RAP1GDS1: variants seen among roughly 807,000 people sequenced by gnomAD.
RAP1GDS1 encodes Rap1 GTPase-GDP dissociation stimulator 1.
A neutral mutation model predicts 71.1 loss-of-function variants in RAP1GDS1; 35 were observed. The ratio of observed to expected loss-of-function variants is 0.49; its 90% CI spans 0.38 to 0.65. RAP1GDS1 has a LOEUF of 0.65. RAP1GDS1 is among the 30% of genes least tolerant of loss of function. The pLI, the probability that RAP1GDS1 is intolerant of heterozygous loss-of-function variation, is 0.00. For synonymous variants in RAP1GDS1, 229 were observed against 243.1 expected (o/e 0.94, Z 0.54); for missense variants, 663 against 706.1 (o/e 0.94, Z 0.69).
chr4:98,429,746 C>G (rs1054346443), intron 12 of RAP1GDS1, among the ~76,000 whole-genome samples: 1 of 152,178 alleles, frequency 6.6e-6, no homozygotes, highest in African/African-American at 2.4e-5. Context: ...GCAGGTTGGA[C>G]ACGCTTGGTT....
intron 5 of RAP1GDS1, among the ~76,000 whole-genome samples, chr4:98,390,694 T>C (rs1481932538): frequency 6.6e-6 from 1 of 152,176 alleles, no homozygotes; most frequent in East Asian, 1.9e-4. Flanking sequence ...TATGTTCTTT[T>C]CTGAAAATCA....
chr4:98,394,037 G>C (rs1023391379), intron 6 of RAP1GDS1, among the ~76,000 whole-genome samples: 2 of 151,996 alleles, frequency 1.3e-5, no homozygotes, highest in Non-Finnish European at 2.9e-5. Flanking sequence ...TGAAGTTTTA[G>C]GAGAGTACAT....
At position 98,410,097 on chromosome 4, in the gene RAP1GDS1, C is replaced by A. The variant is rs115274808; in HGVS notation, c.763+5495C>A. Among the ~76,000 whole-genome samples, 398 of 152,148 alleles carry A rather than the reference C, an allele frequency of 2.6e-3. 1 individual carries two copies. Among genetic ancestry groups the A allele is most frequent in the African/African-American group, 9.1e-3 (379 of 41,496 alleles). ...CAGCCTGAGCAACATAGTGAGGCCT[C>A]ATCTCTACCAAAAACAAATAAATAA... On this transcript the variant is annotated intron_variant, in intron 7 of 14. Coordinates refer to ENST00000408927, the MANE Select transcript of RAP1GDS1 (RefSeq NM_001100427.2).
chr4:98,310,193 C>A (rs1730002359), intron 2 of RAP1GDS1, among the ~76,000 whole-genome samples: 1 of 152,026 alleles, frequency 6.6e-6, no homozygotes, highest in Non-Finnish European at 1.5e-5. Flanking sequence ...TTCATTTATT[C>A]CACACTTAGT....
At chr4:98,299,282 C>T (rs1216676027) in intron 2 of RAP1GDS1, among the ~76,000 whole-genome samples, 2 of 152,124 alleles carry the variant, frequency 1.3e-5, no homozygotes, top group Non-Finnish European at 2.9e-5. Context: ...GTATATGTGC[C>T]ACATTTTCTT....
chr4:98,373,168 ATC>A (rs2110471153), intron 4 of RAP1GDS1, among the ~76,000 whole-genome samples: 1 of 152,332 alleles, frequency 6.6e-6, no homozygotes, highest in East Asian at 1.9e-4. Context: ...GCAATGAATT[ATC>A]TCTTTTATTT....
intron 7 of RAP1GDS1, among the ~76,000 whole-genome samples, chr4:98,414,569 A>G (rs1469582256): frequency 4.0e-5 from 6 of 150,700 alleles, no homozygotes; most frequent in Non-Finnish European, 8.8e-5. Flanking sequence ...TGTTCCAATG[A>G]TCTATATCTC....
intron 10 of RAP1GDS1, among the ~76,000 whole-genome samples, chr4:98,419,172 C>T (rs1371572895): frequency 6.6e-6 from 1 of 152,168 alleles, no homozygotes; most frequent in Non-Finnish European, 1.5e-5. Context: ...CCTCCCACCT[C>T]AGCCTCCTGA....
At position 98,357,824 on chromosome 4, in the gene RAP1GDS1, A is replaced by T. The variant is rs183270087; in HGVS notation, c.361+5223A>T. 3.4e-4 allele frequency among the ~76,000 whole-genome samples: 52 copies of T among 152,092 alleles called. 2 individuals carry two copies. Among genetic ancestry groups the T allele is most frequent in the African/African-American group, 1.2e-3 (49 of 41,568 alleles). ...AATGAATGTGATTTCCAGCTCCACCATTCACTAAGTTGTCATTTAATTTTT... is the reference window on the plus strand; with the variant it reads ...AATGAATGTGATTTCCAGCTCCACCTTTCACTAAGTTGTCATTTAATTTTT... On this transcript the variant is annotated intron_variant, in intron 4 of 14. Coordinates refer to ENST00000408927, the MANE Select transcript of RAP1GDS1 (RefSeq NM_001100427.2).
intron 4 of RAP1GDS1, among the ~76,000 whole-genome samples, chr4:98,375,162 A>AG (rs1169643704): frequency 6.6e-6 from 1 of 152,066 alleles, no homozygotes; most frequent in Non-Finnish European, 1.5e-5. Flanking sequence ...CCTGTAGGGG[A>AG]GGAGGACATT....
At position 98,420,082 on chromosome 4, in the gene RAP1GDS1, C is replaced by A; in HGVS notation, c.1238C>A (p.Ser413Tyr). 1 of 1,607,272 alleles carries A rather than the reference C, an allele frequency of 6.2e-7. No individual in the cohort carries two copies. Among genetic ancestry groups the A allele is most frequent in the Non-Finnish European group, 8.5e-7 (1 of 1,176,210 alleles). Residue 413 changes from serine (S) to tyrosine (Y), a missense_variant, in exon 11 of 15, where the codon TCT becomes TAT. Physicochemically the swap from Ser to Tyr is moderately radical, Grantham distance 144. Coordinates refer to ENST00000408927, the MANE Select transcript of RAP1GDS1 (RefSeq NM_001100427.2). ...GAGGCAGTTTTGAAATTTCTTAAAT[C>A]TGAAATGCCTCCTGTTCAGTTCAAA... The part of the protein sequence containing the change: ...VTEAVLKFLK[S>Y]EMPPVQFKLL...
chr4:98,344,568 C>G (rs551419751), intron 3 of RAP1GDS1, among the ~76,000 whole-genome samples: 1 of 152,258 alleles, frequency 6.6e-6, no homozygotes, highest in Non-Finnish European at 1.5e-5. Context: ...TCATAATGCT[C>G]TGTCACAATT....
chr4:98,335,986 A>G (rs1734665247), intron 2 of RAP1GDS1, among the ~76,000 whole-genome samples: 1 of 152,180 alleles, frequency 6.6e-6, no homozygotes, highest in Non-Finnish European at 1.5e-5. Context: ...CACAGTAAAC[A>G]TTAGCAAATT....
intron 4 of RAP1GDS1, among the ~76,000 whole-genome samples, chr4:98,360,313 CT>C (rs1345759559): frequency 2.0e-5 from 3 of 152,082 alleles, no homozygotes; most frequent in African/African-American, 4.8e-5. Context: ...GATGATTTTT[CT>C]TGGGTTCAAT....
Position 98,292,342 on chromosome 4 carries a change from C to A in RAP1GDS1, c.5-1066C>A, listed in dbSNP as rs115475974. On this transcript the variant is annotated intron_variant, in intron 1 of 14. Coordinates refer to ENST00000408927, the MANE Select transcript of RAP1GDS1 (RefSeq NM_001100427.2). ...AGAGAAGAGGACTCACTTTGTTGCCCGGGCCGGTATCAAACTCCTAGCCTC... is the reference window on the plus strand; with the variant it reads ...AGAGAAGAGGACTCACTTTGTTGCCAGGGCCGGTATCAAACTCCTAGCCTC... 9.3e-3 allele frequency among the ~76,000 whole-genome samples: 1,412 copies of A among 151,738 alleles called. 23 individuals carry two copies. The highest frequency in any genetic ancestry group is 0.032 in the African/African-American group (1,339 of 41,378).
chr4:98,433,618 C>T (rs1750752066), intron 12 of RAP1GDS1, among the ~76,000 whole-genome samples: 1 of 152,116 alleles, frequency 6.6e-6, no homozygotes, highest in Non-Finnish European at 1.5e-5. Flanking sequence ...TCTTGTTTGT[C>T]AATCCTAAGG....
At chr4:98,314,093 GT>G (rs1231905539) in intron 2 of RAP1GDS1, among the ~76,000 whole-genome samples, 4 of 152,036 alleles carry the variant, frequency 2.6e-5, no homozygotes, top group Admixed American at 2.6e-4. Context: ...CAAGCAGAAT[GT>G]TTTTATTTGG....
chr4:98,367,801 C>T (rs1367405590), intron 4 of RAP1GDS1, among the ~76,000 whole-genome samples: 1 of 152,184 alleles, frequency 6.6e-6, no homozygotes, highest in African/African-American at 2.4e-5. Context: ...TTGTGTTTAT[C>T]CAATGCCTAT....
At position 98,418,684 on chromosome 4, in the gene RAP1GDS1, A is replaced by G. The variant is rs199695740; in HGVS notation, c.1067A>G (p.Asn356Ser). ...NDANCIHMVDNGIVEKLMDLL... is the reference protein window; with the variant it reads ...NDANCIHMVDSGIVEKLMDLL... ...GCAAATTGTATTCATATGGTAGACA[A>G]TGGGATTGTAGAAAAACTTATGGAT... Residue 356 changes from asparagine to serine, a missense_variant, in exon 10 of 15, where the codon AAT becomes AGT. Asn to Ser is a conservative substitution (Grantham distance 46). Coordinates refer to ENST00000408927, the MANE Select transcript of RAP1GDS1 (RefSeq NM_001100427.2). 1.7e-3 allele frequency: 2,767 copies of G among 1,608,706 alleles called. 2 individuals carry two copies. The highest frequency in any genetic ancestry group is 2.1e-3 in the Non-Finnish European group (2,446 of 1,178,236).
Sources: gnomAD v4.1 joint callset for allele counts (sites outside exome capture counted in the v4.1 genomes callset) on GRCh38, gnomAD v4.1.1 for gene constraint, MANE v1.5 for transcripts, NCBI Gene and HGNC (gene_info 2026-07-23, HGNC 2026-07-21) for gene names.